The following NKAIN3 variants were observed in gnomAD, a reference collection of about 807,000 sequenced individuals.
NKAIN3 encodes the protein sodium/potassium transporting ATPase interacting 3, also known as sodium/potassium-transporting ATPase subunit beta-1-interacting protein 3.
A neutral mutation model predicts 30.2 loss-of-function variants in NKAIN3; 25 were observed. The ratio of observed to expected loss-of-function variants is 0.83; its 90% CI spans 0.60 to 1.16. NKAIN3 has a LOEUF of 1.16. Ranked by LOEUF, NKAIN3 falls within the 50% of genes most tolerant of loss-of-function variation. The probability of loss-of-function intolerance (pLI) is 0.00; values close to 1 mark genes in which losing one functional copy is unlikely to be tolerated. For synonymous variants in NKAIN3, 91 were observed against 89.6 expected (o/e 1.02, Z -0.09); for missense variants, 225 against 254.1 (o/e 0.89, Z 0.78).
chr8:62,976,301 A>G lies in NKAIN3; in HGVS notation c.*10894A>G, dbSNP rs1823939740. ...CAATGGAGTGTTAAAGTCTCCCACT[A>G]TTATTGTGTGGTAGTCTAAGTCTCT... On this transcript the variant is annotated 3_prime_UTR_variant, in exon 7 of 7. Transcript: ENST00000623646. 6.6e-6 allele frequency among the ~76,000 whole-genome samples: 1 copy of G among 151,968 alleles called. No individual in the cohort carries two copies. Among genetic ancestry groups the G allele is most frequent in the African/African-American group, 2.4e-5 (1 of 41,356 alleles).
At chr8:62,517,401 G>T (rs1219575908) in intron 1 of NKAIN3, among the ~76,000 whole-genome samples, 2 of 152,100 alleles carry the variant, frequency 1.3e-5, no homozygotes, top group East Asian at 3.9e-4. Flanking sequence ...CCCAGTTTTG[G>T]TAGTGATACA....
At chr8:62,619,770 A>G (rs547677528) in intron 3 of NKAIN3, among the ~76,000 whole-genome samples, 1 of 152,236 alleles carries the variant, frequency 6.6e-6, no homozygotes, top group African/African-American at 2.4e-5. Context: ...CACTGAACGA[A>G]CATGCCTTTG....
chr8:62,670,814 G>T (rs1330356141), intron 3 of NKAIN3, among the ~76,000 whole-genome samples: 1 of 151,338 alleles, frequency 6.6e-6, no homozygotes, highest in Non-Finnish European at 1.5e-5. Context: ...CTGTGGTATG[G>T]GGGTCCAAAA....
intron 5 of NKAIN3, among the ~76,000 whole-genome samples, chr8:62,927,509 C>T (rs1340679463): frequency 1.3e-5 from 2 of 152,024 alleles, no homozygotes; most frequent in African/African-American, 2.4e-5. Flanking sequence ...AAAGAAAAGA[C>T]AAATATTTAA....
intron 4 of NKAIN3, among the ~76,000 whole-genome samples, chr8:62,867,543 C>T (rs879516994): frequency 3.9e-5 from 6 of 152,194 alleles, no homozygotes; most frequent in Non-Finnish European, 8.8e-5. Context: ...TGACCAATGT[C>T]TGTCATAGCT....
downstream of NKAIN3, among the ~76,000 whole-genome samples, chr8:62,986,109 C>T (rs973905992): frequency 2.6e-5 from 4 of 152,140 alleles, no homozygotes; most frequent in African/African-American, 9.7e-5. Flanking sequence ...ATGGCAGACA[C>T]ATTTCATAGC....
In NKAIN3 at chr8:62,973,386, TGTC is replaced by T. The variant is rs1823875259; in HGVS notation, c.*7982_*7984del. ...TAACTGGTGTGAGGTGGTATCTCAT[TGTC>T]GTTTTGATTTGCATTTCTCTAATGA... On this transcript the variant is annotated 3_prime_UTR_variant, in exon 7 of 7. Transcript: ENST00000623646. Among the ~76,000 whole-genome samples the T allele has an allele frequency of 6.6e-6, 1 of 152,196 alleles. No homozygotes were observed. Among genetic ancestry groups the T allele is most frequent in the African/African-American group, 2.4e-5 (1 of 41,454 alleles).
At chr8:62,437,792 C>T (rs2129598008) in intron 1 of NKAIN3, among the ~76,000 whole-genome samples, 1 of 152,170 alleles carries the variant, frequency 6.6e-6, no homozygotes, top group Admixed American at 6.5e-5. Flanking sequence ...ATGGAATCAA[C>T]ACAGTTAATT....
chr8:62,704,761 A>T (rs961601391), intron 3 of NKAIN3, among the ~76,000 whole-genome samples: 3 of 152,230 alleles, frequency 2.0e-5, no homozygotes, highest in Non-Finnish European at 4.4e-5. Context: ...ATGACATTTG[A>T]GGAAAGAACC....
At chr8:62,694,029 C>G (rs1233764834) in intron 3 of NKAIN3, among the ~76,000 whole-genome samples, 3 of 152,088 alleles carry the variant, frequency 2.0e-5, no homozygotes, top group African/African-American at 7.2e-5. Context: ...ATAATATGAT[C>G]AAATCAGGGT....
chr8:62,882,524 G>T (rs545957583), intron 4 of NKAIN3, among the ~76,000 whole-genome samples: 1 of 151,912 alleles, frequency 6.6e-6, no homozygotes, highest in Non-Finnish European at 1.5e-5. Flanking sequence ...CACCATATTG[G>T]CCAGGCTGGT....
At chr8:62,304,952 A>G (rs1189481162) in intron 1 of NKAIN3, among the ~76,000 whole-genome samples, 2 of 150,572 alleles carry the variant, frequency 1.3e-5, no homozygotes, top group Non-Finnish European at 2.9e-5. Context: ...AAATGTAATG[A>G]AATCTCAGTT....
intron 4 of NKAIN3, among the ~76,000 whole-genome samples, chr8:62,841,794 G>A (rs1255845142): frequency 6.6e-6 from 1 of 152,030 alleles, no homozygotes; most frequent in Non-Finnish European, 1.5e-5. Flanking sequence ...TATCTCTTTG[G>A]CATACTTAAT....
intron 4 of NKAIN3, among the ~76,000 whole-genome samples, chr8:62,830,851 C>G (rs1819175749): frequency 6.6e-6 from 1 of 152,198 alleles, no homozygotes; most frequent in Non-Finnish European, 1.5e-5. Context: ...TGCCTTCTCA[C>G]TGGACATCCC....
intron 1 of NKAIN3, among the ~76,000 whole-genome samples, chr8:62,379,310 C>A (rs575222429): frequency 2.0e-5 from 3 of 152,196 alleles, no homozygotes; most frequent in Non-Finnish European, 2.9e-5. Context: ...TCAGATGAGA[C>A]TTTGGACTTG....
chr8:62,332,540 G>T (rs1168143149), intron 1 of NKAIN3, among the ~76,000 whole-genome samples: 2 of 151,996 alleles, frequency 1.3e-5, no homozygotes, highest in Non-Finnish European at 2.9e-5. Context: ...TCACTATAGT[G>T]GTTGAGTGAC....
chr8:62,895,765 G>A (rs1045018949), intron 4 of NKAIN3, among the ~76,000 whole-genome samples: 9 of 152,120 alleles, frequency 5.9e-5, no homozygotes, highest in South Asian at 2.1e-4. Context: ...CCCTAATGTC[G>A]TGGGCTGGGT....
intron 3 of NKAIN3, among the ~76,000 whole-genome samples, chr8:62,592,355 A>AT (rs1178644869): frequency 6.6e-6 from 1 of 152,028 alleles, no homozygotes; most frequent in Non-Finnish European, 1.5e-5. Flanking sequence ...GATCATTTTA[A>AT]TTTCTAGTAA....
chr8:62,838,390 A>G (rs13275525), intron 4 of NKAIN3, among the ~76,000 whole-genome samples: 205 of 152,114 alleles, frequency 1.3e-3, no homozygotes, highest in Middle Eastern at 3.4e-3. Context: ...TTCACTGAAC[A>G]CCAGAGGAGT....
Sources: gnomAD v4.1 joint callset for allele counts (sites outside exome capture counted in the v4.1 genomes callset) on GRCh38, gnomAD v4.1.1 for gene constraint, MANE v1.5 for transcripts, NCBI Gene and HGNC (gene_info 2026-07-23, HGNC 2026-07-21) for gene names.